Variants in PPP1R12A observed in about 807,000 individuals in gnomAD.
PPP1R12A encodes myosin binding subunit.
Under a neutral mutation model 139.6 loss-of-function variants are expected in PPP1R12A, and 19 were observed. The ratio of observed to expected loss-of-function variants is 0.14; its 90% CI spans 0.09 to 0.20. The LOEUF is 0.20. Among genes scored for constraint, PPP1R12A ranks in the 10% least tolerant of loss-of-function variants. PPP1R12A has a pLI of 1.00. For synonymous variants in PPP1R12A, 427 were observed against 420.6 expected, an observed-to-expected ratio of 1.02 and a Z score of -0.19; for missense variants, 925 against 1,211.5, an observed-to-expected ratio of 0.76 and a Z score of 3.51.
chr12:79,893,708 A>C (rs897337070), intron 1 of PPP1R12A, among the ~76,000 whole-genome samples: 2 of 152,246 alleles, frequency 1.3e-5, no homozygotes, highest in African/African-American at 4.8e-5. Flanking sequence ...TTTGTTAAAC[A>C]GGCAAATAAC....
At chr12:79,846,644 T>C (rs892665038) in intron 2 of PPP1R12A, among the ~76,000 whole-genome samples, 2 of 150,762 alleles carry the variant, frequency 1.3e-5, no homozygotes, top group African/African-American at 2.4e-5. Flanking sequence ...GGTTTCACCG[T>C]GGTCTCAATC....
upstream of PPP1R12A, chr12:79,935,190 CG>C (rs1888576920): frequency 1.5e-6 from 2 of 1,322,580 alleles, no homozygotes; most frequent in Non-Finnish European, 1.9e-6. Flanking sequence ...GCCAATCTAA[CG>C]TAACTTCGCG....
intron 14 of PPP1R12A, among the ~76,000 whole-genome samples, chr12:79,803,679 AAC>A (rs1873466286): frequency 6.6e-6 from 1 of 152,164 alleles, no homozygotes; most frequent in Non-Finnish European, 1.5e-5. Flanking sequence ...CATGGAACAA[AAC>A]ACAAACAATA....
chr12:79,805,688 G>A lies in PPP1R12A; in HGVS notation c.1904C>T (p.Ala635Val), dbSNP rs760663503. 3.1e-6 allele frequency: 5 copies of A among 1,613,548 alleles called. No homozygotes were observed. Among genetic ancestry groups the A allele is most frequent in the Non-Finnish European group, 3.4e-6 (4 of 1,179,644 alleles). Residue 635 changes from alanine to valine, a missense_variant, in exon 14 of 25, where the codon GCT becomes GTT. Around this residue, in one of 4 missense-constraint regions of PPP1R12A, gnomAD observed 403 missense variants for 463.7 expected, o/e 0.87. Coordinates refer to ENST00000450142, the MANE Select transcript of PPP1R12A (RefSeq NM_002480.3). ...AGCTGCAGCATTTACAACAGTTGGA[G>A]CAACAGGAATGGTCACTGCCGTAGG... ...SVPTAVTIPV[A>V]PTVVNAAAST...
chr12:79,921,550 C>T (rs895289199), intron 1 of PPP1R12A, among the ~76,000 whole-genome samples: 2 of 152,148 alleles, frequency 1.3e-5, no homozygotes, highest in African/African-American at 4.8e-5. Context: ...TTAAGCCCGC[C>T]TAATAAAGCC....
intron 24 of PPP1R12A, among the ~76,000 whole-genome samples, chr12:79,776,725 A>G (rs1869774843): frequency 6.6e-6 from 1 of 152,150 alleles, no homozygotes; most frequent in South Asian, 2.1e-4. Context: ...GTTGTTTTAC[A>G]GACAAATTGA....
At chr12:79,885,989 T>C (rs1884069652) in intron 1 of PPP1R12A, among the ~76,000 whole-genome samples, 1 of 152,072 alleles carries the variant, frequency 6.6e-6, no homozygotes, top group African/African-American at 2.4e-5. Context: ...AGCCACCACA[T>C]TCAGCCAAAC....
chr12:79,849,396 A>G (rs199968450), intron 2 of PPP1R12A, among the ~76,000 whole-genome samples: 146 of 12,824 alleles, frequency 0.011, 1 homozygote, highest in Non-Finnish European at 0.02. Flanking sequence ...CAAAGGGGGG[A>G]AAAAAAAAAG....
At chr12:79,849,449 T>C (rs1879793002) in intron 2 of PPP1R12A, among the ~76,000 whole-genome samples, 1 of 152,094 alleles carries the variant, frequency 6.6e-6, no homozygotes, top group Non-Finnish European at 1.5e-5. Flanking sequence ...AACTACAGGC[T>C]ATCTGGAATA....
intron 19 of PPP1R12A, among the ~76,000 whole-genome samples, chr12:79,792,181 T>C (rs895307832): frequency 8.5e-5 from 13 of 152,292 alleles, no homozygotes; most frequent in Non-Finnish European, 1.5e-4. Context: ...AAAATATTGA[T>C]CTATGCACAT....
At chr12:79,780,308 G>C (rs1409054665) in intron 23 of PPP1R12A, 1 of 151,820 alleles carries the variant, frequency 6.6e-6, no homozygotes, top group African/African-American at 2.4e-5. Context: ...TTGATATACA[G>C]AGAATGATGA....
intron 1 of PPP1R12A, among the ~76,000 whole-genome samples, chr12:79,875,708 T>C (rs1883035748): frequency 6.6e-6 from 1 of 152,228 alleles, no homozygotes; most frequent in African/African-American, 2.4e-5. Flanking sequence ...CCCAAGTTTA[T>C]TAAGAATCCG....
intron 1 of PPP1R12A, among the ~76,000 whole-genome samples, chr12:79,929,783 A>AT (rs1304883014): frequency 1.3e-5 from 2 of 151,912 alleles, no homozygotes; most frequent in Non-Finnish European, 2.9e-5. Context: ...AAAAAAAAAG[A>AT]TTTTTTTAAA....
rs1384121434 is a variant in PPP1R12A at position 79,775,901 on chromosome 12, ATTCCATT to A, written c.*21_*27del. 2.7e-6 allele frequency: 4 copies of A among 1,489,632 alleles called. No individual in the cohort carries two copies. The African/African-American group carries it at 5.6e-5, about 21-fold the overall frequency. 92.3% of individuals were successfully genotyped at this position (1,489,632 alleles called of 1,614,324 possible). On this transcript the variant is annotated 3_prime_UTR_variant, in exon 25 of 25. Transcript: ENST00000450142. ...GTCCACTGGGTTACTAATATGTGCA[ATTCCATT>A]ACTTGCTGCTTTTTTTTTTTTTATT...
rs1217846328 is a variant in PPP1R12A at position 79,828,501 on chromosome 12, T to A, written c.648-37A>T. 8 of 1,441,004 alleles carry A rather than the reference T, an allele frequency of 5.6e-6. No individual in the cohort carries two copies. The East Asian group carries it at 1.9e-4, about 35-fold the overall frequency. 89.3% of individuals were successfully genotyped at this position (1,441,004 alleles called of 1,614,324 possible). On this transcript the variant is annotated intron_variant, in intron 4 of 24. Coordinates refer to ENST00000450142, the MANE Select transcript of PPP1R12A (RefSeq NM_002480.3). ...ACAGTGAATTAGACAATCATTAAAA[T>A]CTAGAAATAAATGATCATGATCAAA...
chr12:79,855,719 C>T (rs1880570696), intron 2 of PPP1R12A, among the ~76,000 whole-genome samples: 1 of 151,890 alleles, frequency 6.6e-6, no homozygotes, highest in Non-Finnish European at 1.5e-5. Flanking sequence ...AAAAACAAAC[C>T]ACACATTTAC....
chr12:79,915,827 T>C (rs568185726), intron 1 of PPP1R12A, among the ~76,000 whole-genome samples: 1 of 152,252 alleles, frequency 6.6e-6, no homozygotes, highest in Admixed American at 6.5e-5. Context: ...CTGACATGTA[T>C]ACAGTAGTTC....
intron 2 of PPP1R12A, among the ~76,000 whole-genome samples, chr12:79,857,918 T>G (rs906534479): frequency 2.0e-5 from 3 of 152,144 alleles, no homozygotes; most frequent in African/African-American, 7.2e-5. Context: ...TCCCATAAAT[T>G]TCCATGAAAA....
chr12:79,811,600 A>G (rs1252043938), intron 9 of PPP1R12A, among the ~76,000 whole-genome samples: 4 of 152,258 alleles, frequency 2.6e-5, no homozygotes, highest in African/African-American at 9.6e-5. Context: ...TATGATAGGT[A>G]CTGAGACAGC....
Sources: allele counts gnomAD v4.1 joint callset (sites outside exome capture counted in the v4.1 genomes callset), GRCh38; gene constraint gnomAD v4.1.1; regional missense constraint gnomAD v4.1.1; transcripts MANE v1.5; gene names NCBI Gene and HGNC (gene_info 2026-07-23, HGNC 2026-07-21).